Variants in TMEM87A observed in about 807,000 individuals in gnomAD.
TMEM87A encodes transmembrane protein 87A, also known as Golgi-pH regulating cation channel.
A neutral mutation model predicts 90.0 loss-of-function variants in TMEM87A; 50 were observed. The ratio of observed to expected loss-of-function variants is 0.56; its 90% CI spans 0.44 to 0.70. The LOEUF is 0.70. Among genes scored for constraint, TMEM87A ranks in the 30% least tolerant of loss-of-function variants. TMEM87A has a pLI of 0.00. For synonymous variants in TMEM87A, 226 were observed against 226.7 expected, an observed-to-expected ratio of 1.00 and a Z score of 0.03; for missense variants, 577 against 660.5, an observed-to-expected ratio of 0.87 and a Z score of 1.39.
intron 2 of TMEM87A, among the ~76,000 whole-genome samples, chr15:42,270,377 A>T (rs2140994761): frequency 6.6e-6 from 1 of 152,268 alleles, no homozygotes; most frequent in East Asian, 1.9e-4. Flanking sequence ...CTCAAAAAAC[A>T]ACAACAAAAA....
At chr15:42,254,557 T>C (rs1406970528) in intron 6 of TMEM87A, among the ~76,000 whole-genome samples, 3 of 152,108 alleles carry the variant, frequency 2.0e-5, no homozygotes, top group Non-Finnish European at 2.9e-5. Context: ...CCAGAAGACA[T>C]GGAGGAAACT....
At chr15:42,270,478 C>T (rs1045758805) in intron 2 of TMEM87A, among the ~76,000 whole-genome samples, 7 of 152,098 alleles carry the variant, frequency 4.6e-5, no homozygotes, top group Non-Finnish European at 7.4e-5. Context: ...TGCCTGTAAT[C>T]CCAGCTACTC....
intron 6 of TMEM87A, among the ~76,000 whole-genome samples, chr15:42,256,163 CAG>C (rs1410244936): frequency 6.6e-6 from 1 of 151,968 alleles, no homozygotes; most frequent in East Asian, 1.9e-4. Flanking sequence ...CTTTTTGAGA[CAG>C]AGTCTCATTT....
intron 6 of TMEM87A, among the ~76,000 whole-genome samples, chr15:42,246,699 G>A (rs929694267): frequency 6.6e-6 from 1 of 152,198 alleles, no homozygotes; most frequent in African/African-American, 2.4e-5. Flanking sequence ...ATCATTGACG[G>A]ACATTTGGGT....
chr15:42,245,886 C>T (rs953559939), intron 6 of TMEM87A, among the ~76,000 whole-genome samples: 1 of 152,098 alleles, frequency 6.6e-6, no homozygotes, highest in Non-Finnish European at 1.5e-5. Context: ...GTATTAACTC[C>T]TTTGTAAACT....
intron 6 of TMEM87A, among the ~76,000 whole-genome samples, chr15:42,246,538 A>G (rs2050976050): frequency 1.3e-5 from 2 of 152,122 alleles, no homozygotes; most frequent in Admixed American, 1.3e-4. Context: ...GAGTGAGAAC[A>G]TGCAGTGTTT....
chr15:42,258,349 T>C (rs1595742640), intron 6 of TMEM87A: 1 of 683,224 alleles, frequency 1.5e-6, no homozygotes. Context: ...ATTACTATTT[T>C]CTTCTTTTCA....
Position 42,235,022 on chromosome 15 carries a change from T to A in TMEM87A, c.968+1298A>T, listed in dbSNP as rs529125365. Among the ~76,000 whole-genome samples the A allele has an allele frequency of 4.3e-4, 65 of 152,206 alleles. No homozygotes were observed. The South Asian group carries it at 0.013, about 31-fold the overall frequency. On this transcript the variant is annotated intron_variant, in intron 10 of 19. Coordinates refer to ENST00000389834, the MANE Select transcript of TMEM87A (RefSeq NM_015497.5). ...TCACTTCCTTGGTGACCAAATCCAG[T>A]CTCATGACTTTATTTATTTATTTAT... is the stretch of plus-strand genomic sequence containing the variant.
At chr15:42,248,879 C>A (rs1308320737) in intron 6 of TMEM87A, among the ~76,000 whole-genome samples, 2 of 152,100 alleles carry the variant, frequency 1.3e-5, no homozygotes, top group African/African-American at 4.8e-5. Flanking sequence ...CTCTTTGTAC[C>A]TCTGGTAGAA....
chr15:42,222,788 GA>G (rs1256716333), intron 15 of TMEM87A, among the ~76,000 whole-genome samples: 2 of 151,936 alleles, frequency 1.3e-5, no homozygotes, highest in African/African-American at 2.4e-5. Flanking sequence ...TCGAACTCCT[GA>G]CCTCAGGTTG....
intron 11 of TMEM87A, among the ~76,000 whole-genome samples, chr15:42,232,115 T>G (rs1181121196): frequency 6.6e-6 from 1 of 152,238 alleles, no homozygotes; most frequent in African/African-American, 2.4e-5. Flanking sequence ...GTTTTTACAA[T>G]ATTGAATCTA....
At chr15:42,264,854 C>T (rs2051371077) in intron 3 of TMEM87A, among the ~76,000 whole-genome samples, 2 of 151,884 alleles carry the variant, frequency 1.3e-5, no homozygotes, top group Admixed American at 1.3e-4. Flanking sequence ...CTCCCTCCTC[C>T]CACCCTCCAC....
chr15:42,264,709 T>TTTA (rs2051366915), intron 3 of TMEM87A, among the ~76,000 whole-genome samples: 2 of 124,950 alleles, frequency 1.6e-5, no homozygotes, highest in Non-Finnish European at 3.2e-5. Flanking sequence ...ATTTTTTTTT[T>TTTA]AACTTTTATT....
intron 7 of TMEM87A, among the ~76,000 whole-genome samples, chr15:42,240,962 T>G (rs147811505): frequency 6.6e-6 from 1 of 152,260 alleles, no homozygotes; most frequent in Non-Finnish European, 1.5e-5. Context: ...CAGCAAAATA[T>G]AGCACATGGG....
chr15:42,245,691 A>ATT (rs933190511), intron 6 of TMEM87A, among the ~76,000 whole-genome samples: 1 of 145,386 alleles, frequency 6.9e-6, no homozygotes, highest in African/African-American at 2.5e-5. Context: ...CACCCAGCTA[A>ATT]TTTTTTTTTT....
chr15:42,236,234 A>G, intron 10 of TMEM87A, 86 bp downstream of exon 10: 1 of 1,091,972 alleles, frequency 9.2e-7, no homozygotes, highest in South Asian at 1.3e-5. Flanking sequence ...CAACTATTTC[A>G]GAACTACTAC....
chr15:42,270,194 A>AC, intron 2 of TMEM87A, among the ~76,000 whole-genome samples: 1 of 151,578 alleles, frequency 6.6e-6, no homozygotes. Flanking sequence ...ATATGGTGAA[A>AC]CCCCCACCTC....
chr15:42,261,328 G>A, intron 4 of TMEM87A, 79 bp from the exon 5 acceptor site: 1 of 1,266,202 alleles, frequency 7.9e-7, no homozygotes, highest in Non-Finnish European at 1.1e-6. Flanking sequence ...ACAAAGAAAT[G>A]GTTAGAACAA....
At chr15:42,226,671 C>T in intron 15 of TMEM87A, 135 bp downstream of exon 15, 2 of 737,720 alleles carry the variant, frequency 2.7e-6, no homozygotes, top group East Asian at 2.5e-5. Flanking sequence ...GAGATAGGAA[C>T]CCAGTTCTTC....
Sources: allele counts gnomAD v4.1 joint callset (sites outside exome capture counted in the v4.1 genomes callset), GRCh38; gene constraint gnomAD v4.1.1; transcripts MANE v1.5; gene names NCBI Gene and HGNC (gene_info 2026-07-23, HGNC 2026-07-21).